Variants in SETX observed in about 807,000 individuals in gnomAD.
The protein encoded by SETX is helicase senataxin.
Under a neutral mutation model 227.2 loss-of-function variants are expected in SETX, and 90 were observed. That is an observed-to-expected ratio of 0.40 (90% confidence interval 0.33 to 0.47). The LOEUF is 0.47. Among genes scored for constraint, SETX ranks in the 20% least tolerant of loss-of-function variants. SETX has a pLI of 0.91. For synonymous variants in SETX, 1,210 were observed against 1,113.2 expected, an observed-to-expected ratio of 1.09 and a Z score of -1.73; for missense variants, 3,052 against 3,181.5, an observed-to-expected ratio of 0.96 and a Z score of 0.98.
intron 11 of SETX, among the ~76,000 whole-genome samples, chr9:132,309,446 T>TA (rs1239507038): frequency 6.6e-6 from 1 of 152,064 alleles, no homozygotes; most frequent in East Asian, 1.9e-4. Flanking sequence ...AGAAAGCTTC[T>TA]AGAAAAGGGG....
chr9:132,338,768 TA>T (rs1199300510), intron 5 of SETX, among the ~76,000 whole-genome samples: 1 of 152,216 alleles, frequency 6.6e-6, no homozygotes, highest in East Asian at 1.9e-4. Flanking sequence ...TTTTTTACTT[TA>T]TTTTTTTGAG....
At chr9:132,295,567 C>T (rs1403650005) in intron 15 of SETX, among the ~76,000 whole-genome samples, 3 of 152,226 alleles carry the variant, frequency 2.0e-5, no homozygotes, top group African/African-American at 4.8e-5. Context: ...CAGGGTCCCC[C>T]TAAGGTGTGT....
intron 6 of SETX, among the ~76,000 whole-genome samples, chr9:132,335,450 G>T (rs1847558762): frequency 6.9e-6 from 1 of 143,984 alleles, no homozygotes; most frequent in South Asian, 2.2e-4. Flanking sequence ...TGTAAACAAT[G>T]CTGTCAACTC....
chr9:132,307,519 AAAC>A (rs1845403603), intron 11 of SETX, among the ~76,000 whole-genome samples: 3 of 152,116 alleles, frequency 2.0e-5, no homozygotes, highest in African/African-American at 7.2e-5. Context: ...TATGGGATAA[AAAC>A]AATATATATG....
In SETX at chr9:132,264,487, C is replaced by T; in HGVS notation, c.7786G>A (p.Ala2596Thr). The T allele has an allele frequency of 6.2e-7, 1 of 1,613,812 alleles. No homozygotes were observed. The highest frequency in any genetic ancestry group is 8.5e-7 in the Non-Finnish European group (1 of 1,179,858). ...HIQQPAAVVA[A>T]LSSHKPPVRG... ...ACGGGAGGTTTGTGGCTGCTCAGAGCAGCCACTACAGCAGCGGGCTGCTGT... is the reference window on the plus strand; with the variant it reads ...ACGGGAGGTTTGTGGCTGCTCAGAGTAGCCACTACAGCAGCGGGCTGCTGT... Residue 2596 changes from alanine to threonine, a missense_variant, in exon 26 of 26, where the codon GCT becomes ACT. Physicochemically the swap from Ala to Thr is moderately conservative, Grantham distance 58 (BLOSUM62 0). Coordinates refer to ENST00000224140, the MANE Select transcript of SETX (RefSeq NM_015046.7).
chr9:132,316,334 G>C (rs1297604809), intron 10 of SETX, among the ~76,000 whole-genome samples: 1 of 152,158 alleles, frequency 6.6e-6, no homozygotes, highest in Non-Finnish European at 1.5e-5. Flanking sequence ...AAAGTGCTTT[G>C]TGGGTTTTAG....
chr9:132,341,971 GGTAT>G lies in SETX; in HGVS notation c.498+715_498+718del, dbSNP rs571610209. 1.6e-3 allele frequency among the ~76,000 whole-genome samples: 241 copies of G among 151,984 alleles called. 1 individual carries two copies. Among genetic ancestry groups the G allele is most frequent in the Non-Finnish European group, 1.8e-3 (119 of 67,954 alleles). ...CCTTTTGCTTTTTTTTAATATCATT[GGTAT>G]GTGTTTGGCCCAGAGGAAACTGAAA... On this transcript the variant is annotated intron_variant, in intron 5 of 25. Transcript: ENST00000224140.
chr9:132,285,725 C>A (rs944513088), intron 18 of SETX, among the ~76,000 whole-genome samples: 2 of 150,396 alleles, frequency 1.3e-5, no homozygotes, highest in African/African-American at 5.0e-5. Flanking sequence ...ACTAAAAATA[C>A]AAAATTTAGT....
chr9:132,347,787 A>G (rs899733956), intron 3 of SETX, among the ~76,000 whole-genome samples: 4 of 152,140 alleles, frequency 2.6e-5, no homozygotes, highest in Non-Finnish European at 5.9e-5. Flanking sequence ...CTTGTGGTAT[A>G]AAAGACGCTG....
At position 132,286,946 on chromosome 9, in the gene SETX, T is replaced by C. The variant is rs536606676; in HGVS notation, c.6325-452A>G. On this transcript the variant is annotated intron_variant, in intron 17 of 25. Transcript: ENST00000224140. The stretch of plus-strand genomic sequence containing the variant: ...CTAAGAGAAAGACTTTCTCTCCCTC[T>C]GGGGTTTCAAAGCTGAGATGGTGGA... Among the ~76,000 whole-genome samples, 111 of 152,310 alleles carry C rather than the reference T, an allele frequency of 7.3e-4. 1 individual carries two copies. The highest frequency in any genetic ancestry group is 2.6e-3 in the African/African-American group (108 of 41,564).
Position 132,331,335 on chromosome 9 carries a change from T to C in SETX, c.952A>G (p.Ile318Val). 3 of 1,614,092 alleles carry C rather than the reference T, an allele frequency of 1.9e-6. No individual in the cohort carries two copies. The highest frequency in any genetic ancestry group is 2.5e-6 in the Non-Finnish European group (3 of 1,180,002). The change falls in exon 8 of 26, where the codon ATT (isoleucine) becomes GTT (valine). Residue 318 changes from isoleucine to valine, a missense_variant. By Grantham distance (29) the Ile-to-Val change is conservative. Transcript: ENST00000224140. ...LMDPIVAFQT[I>V]INNASYNREI... Reference sequence around the variant, plus strand: ...CTATTGTAGCTTGCGTTGTTGATAATGGTTTGAAATGCCACAATAGGATCC... The same window carrying C: ...CTATTGTAGCTTGCGTTGTTGATAACGGTTTGAAATGCCACAATAGGATCC...
At chr9:132,302,919 C>T (rs984632535) in intron 11 of SETX, among the ~76,000 whole-genome samples, 1 of 152,106 alleles carries the variant, frequency 6.6e-6, no homozygotes, top group East Asian at 1.9e-4. Context: ...GATATTCCGA[C>T]AAATATGCCA....
rs1847937839 is a variant in SETX, at chr9:132,341,215, C to T, written c.498+1475G>A. Among the ~76,000 whole-genome samples, 3 of 151,964 alleles carry T rather than the reference C, an allele frequency of 2.0e-5. 1 individual carries two copies. In the South Asian group the frequency reaches 6.2e-4, roughly 32 times the overall value. On this transcript the variant is annotated intron_variant, in intron 5 of 25. Transcript: ENST00000224140. ...CGTGGGCAACAGAGCAAGACTCTGTCTCAAAAAATAAAATATAATAATAAA... is the reference window on the plus strand; with the variant it reads ...CGTGGGCAACAGAGCAAGACTCTGTTTCAAAAAATAAAATATAATAATAAA...
intron 20 of SETX, 146 bp downstream of exon 20, chr9:132,281,321 T>C (rs1843488286): frequency 1.5e-6 from 1 of 648,868 alleles, no homozygotes; most frequent in Non-Finnish European, 2.7e-6. Flanking sequence ...TTTTAAAATT[T>C]ATTAAGTGCT....
chr9:132,352,683 A>G (rs1470097251), intron 2 of SETX, among the ~76,000 whole-genome samples: 4 of 152,192 alleles, frequency 2.6e-5, no homozygotes, highest in African/African-American at 7.2e-5. Context: ...CACCTACTCA[A>G]TAACTGACAG....
intron 5 of SETX, among the ~76,000 whole-genome samples, chr9:132,338,660 A>G (rs1221177476): frequency 1.3e-5 from 2 of 152,102 alleles, no homozygotes; most frequent in African/African-American, 4.8e-5. Context: ...TCCTTCATAT[A>G]TTTATTAGCT....
intron 20 of SETX, among the ~76,000 whole-genome samples, chr9:132,279,462 T>C (rs1159540793): frequency 2.0e-5 from 3 of 151,864 alleles, no homozygotes; most frequent in Non-Finnish European, 4.4e-5. Context: ...AACCCTGAAG[T>C]AAAAATGTGC....
chr9:132,289,482 T>G (rs1339852949), intron 15 of SETX, among the ~76,000 whole-genome samples: 3 of 152,168 alleles, frequency 2.0e-5, no homozygotes, highest in Non-Finnish European at 4.4e-5. Flanking sequence ...GGTTCCCTCC[T>G]TTATGAACTC....
rs1246552404 is a variant in SETX at position 132,349,382 on chromosome 9, T to C, written c.47A>G (p.Asp16Gly). Residue 16 changes from aspartate (D) to glycine (G), a missense_variant, in exon 3 of 26, where the codon GAC (aspartate) becomes GGC (glycine). By Grantham distance (94) the Asp-to-Gly change is moderately conservative. This residue lies in a region of SETX where 152 missense variants were observed against 156.2 expected (regional missense o/e 0.97). Coordinates refer to ENST00000224140, the MANE Select transcript of SETX (RefSeq NM_015046.7). ...WCTPGGASTI[D>G]FLKRYASNTP... ...GTTGGAAGCATAGCGCTTTAGGAAG[T>C]CAATGGTGGAAGCACCACCTGGCGT... 6.2e-7 allele frequency: 1 copy of C among 1,614,028 alleles called. No individual in the cohort carries two copies. Among genetic ancestry groups the C allele is most frequent in the Admixed American group, 1.7e-5 (1 of 59,992 alleles).
Sources: gnomAD v4.1 joint callset for allele counts (sites outside exome capture counted in the v4.1 genomes callset) on GRCh38, gnomAD v4.1.1 for gene constraint, gnomAD v4.1.1 regional missense constraint, MANE v1.5 for transcripts, NCBI Gene and HGNC (gene_info 2026-07-23, HGNC 2026-07-21) for gene names.